Variants in WDR17 observed in about 807,000 individuals in gnomAD.
The protein encoded by WDR17 is WD repeat-containing protein 17.
In WDR17, 143 loss-of-function variants were observed where a neutral mutation model predicts 161.7. The ratio of observed to expected loss-of-function variants is 0.88; its 90% confidence interval spans 0.77 to 1.02. The LOEUF (loss-of-function observed/expected upper bound fraction) is 1.02. Ranked by LOEUF, WDR17 falls within the 50% of genes least tolerant of loss-of-function variation. The pLI, the probability that WDR17 is intolerant of heterozygous loss-of-function variation, is 0.00. For synonymous variants in WDR17, 517 were observed against 515.6 expected (o/e 1.00, Z -0.04); for missense variants, 1,469 against 1,520.9 (o/e 0.97, Z 0.57).
At chr4:176,133,475 A>T (rs1005726615) in intron 7 of WDR17, among the ~76,000 whole-genome samples, 1 of 150,186 alleles carries the variant, frequency 6.7e-6, no homozygotes, top group Non-Finnish European at 1.5e-5. Flanking sequence ...GTATTAAAGT[A>T]TGTTTTACTT....
At chr4:176,104,671 A>G (rs1302621783) in intron 1 of WDR17, among the ~76,000 whole-genome samples, 3 of 152,070 alleles carry the variant, frequency 2.0e-5, no homozygotes, top group Non-Finnish European at 4.4e-5. Context: ...GTTAAATTAG[A>G]GTCTTGTAAC....
At chr4:176,072,150 T>C (rs1236220698) in intron 1 of WDR17, among the ~76,000 whole-genome samples, 1 of 152,220 alleles carries the variant, frequency 6.6e-6, no homozygotes, top group Non-Finnish European at 1.5e-5. Context: ...TTGGGAATGC[T>C]TAGATAACAC....
intron 1 of WDR17, among the ~76,000 whole-genome samples, chr4:176,069,159 A>G (rs1732903091): frequency 6.6e-6 from 1 of 152,096 alleles, no homozygotes; most frequent in Non-Finnish European, 1.5e-5. Context: ...CAAATAGGCT[A>G]GATTTTGTAA....
At chr4:176,088,329 T>C (rs977605904) in intron 1 of WDR17, among the ~76,000 whole-genome samples, 6 of 152,106 alleles carry the variant, frequency 3.9e-5, no homozygotes, top group Non-Finnish European at 7.4e-5. Context: ...TGAATGCTTG[T>C]AATCCCAGCT....
At chr4:176,093,300 T>C (rs1736377392) in intron 1 of WDR17, among the ~76,000 whole-genome samples, 1 of 152,098 alleles carries the variant, frequency 6.6e-6, no homozygotes, top group African/African-American at 2.4e-5. Flanking sequence ...CCCATCAAAA[T>C]ACCAATGACA....
intron 1 of WDR17, among the ~76,000 whole-genome samples, chr4:176,086,123 T>G (rs1278390526): frequency 6.6e-6 from 1 of 152,022 alleles, no homozygotes; most frequent in Non-Finnish European, 1.5e-5. Flanking sequence ...TATTTATTGA[T>G]TTCAGACTTA....
chr4:176,175,862 T>G (rs1194531811), intron 26 of WDR17, among the ~76,000 whole-genome samples: 1 of 151,300 alleles, frequency 6.6e-6, no homozygotes, highest in East Asian at 1.9e-4. Context: ...CCCGGCCGGT[T>G]AAGCAGTTTT....
At chr4:176,155,946 A>G (rs1748058747) in intron 17 of WDR17, 133 bp from the exon 18 acceptor site, 1 of 754,274 alleles carries the variant, frequency 1.3e-6, no homozygotes, top group Non-Finnish European at 2.1e-6. Context: ...GTCAGAAAGT[A>G]CCAAATCAGG....
At chr4:176,109,034 C>T (rs762243561) in intron 1 of WDR17, among the ~76,000 whole-genome samples, 4 of 152,178 alleles carry the variant, frequency 2.6e-5, no homozygotes, top group Non-Finnish European at 5.9e-5. Context: ...AAGCGATCCA[C>T]CCATCTTGGC....
chr4:176,097,648 GT>G (rs1737091872), intron 1 of WDR17, among the ~76,000 whole-genome samples: 1 of 151,410 alleles, frequency 6.6e-6, no homozygotes, highest in African/African-American at 2.4e-5. Flanking sequence ...TCCATCCTGA[GT>G]TTCAATTTCA....
chr4:176,168,868 G>A (rs995369329), intron 23 of WDR17, 85 bp downstream of exon 23: 3 of 1,463,144 alleles, frequency 2.1e-6, no homozygotes, highest in Non-Finnish European at 2.8e-6. Context: ...AGAGATGCAT[G>A]CAGAGAAACA....
At chr4:176,170,983 C>T (rs1387398051) in intron 23 of WDR17, among the ~76,000 whole-genome samples, 1 of 152,182 alleles carries the variant, frequency 6.6e-6, no homozygotes, top group Non-Finnish European at 1.5e-5. Flanking sequence ...AGAACACTTA[C>T]ATTAGGCTAC....
At chr4:176,119,751 A>G in intron 3 of WDR17, 116 bp from the exon 4 acceptor site, 3 of 908,906 alleles carry the variant, frequency 3.3e-6, no homozygotes, top group African/African-American at 1.7e-5. Context: ...CAAATAAGAA[A>G]GTAATGTATC....
chr4:176,132,962 G>A (rs184028824), intron 7 of WDR17, among the ~76,000 whole-genome samples: 70 of 151,604 alleles, frequency 4.6e-4, no homozygotes, highest in Non-Finnish European at 8.3e-4. Flanking sequence ...CTTTACATCA[G>A]CACTGGGTTG....
At chr4:176,179,163 C>A (rs1751878807) in intron 28 of WDR17, among the ~76,000 whole-genome samples, 2 of 152,016 alleles carry the variant, frequency 1.3e-5, no homozygotes, top group African/African-American at 2.4e-5. Flanking sequence ...TGGCAGTTAC[C>A]AGATTAACAA....
rs151177177 is a variant in WDR17, at chr4:176,070,902, G to A, written c.-7+4823G>A. Among the ~76,000 whole-genome samples, 680 of 152,172 alleles carry A rather than the reference G, an allele frequency of 4.5e-3. 8 individuals are homozygous for A. The highest frequency in any genetic ancestry group is 0.016 in the African/African-American group (658 of 41,514). ...TTTGCTGGTTTTCCCAAACTGACTT[G>A]CCAAAATAATTTTTAACACCTTTTC... On this transcript the variant is annotated intron_variant, in intron 1 of 28. Transcript: ENST00000508596.
chr4:176,160,158 A>G (rs748765273), intron 19 of WDR17, 32 bp downstream of exon 19: 1 of 1,610,204 alleles, frequency 6.2e-7, no homozygotes, highest in Non-Finnish European at 8.5e-7. Context: ...AGTCACATAC[A>G]TGAATGCTTG....
In WDR17 at chr4:176,119,995, C is replaced by T. The variant is rs202125973; in HGVS notation, c.436C>T (p.His146Tyr). 3 of 1,613,882 alleles carry T rather than the reference C, an allele frequency of 1.9e-6. No individual in the cohort carries two copies. The East Asian group carries it at 6.7e-5, about 36-fold the overall frequency. Residue 146 changes from histidine to tyrosine, a missense_variant, in exon 4 of 29, where the codon CAT becomes TAT. Coordinates refer to ENST00000508596, the MANE Select transcript of WDR17 (RefSeq NM_181265.4). ...DSGVIVHKDA[H>Y]SFLSDICMFR... ...TGGAGTGATTGTACACAAAGATGCT[C>T]ATAGCTTCTTGTCTGATATCTGTAT...
chr4:176,176,175 T>C (rs1204987000), intron 26 of WDR17, among the ~76,000 whole-genome samples: 1 of 152,082 alleles, frequency 6.6e-6, no homozygotes. Context: ...GAAAAATTCT[T>C]AATTAAGCAT....
Sources: allele counts gnomAD v4.1 joint callset (sites outside exome capture counted in the v4.1 genomes callset), GRCh38; gene constraint gnomAD v4.1.1; transcripts MANE v1.5; gene names NCBI Gene and HGNC (gene_info 2026-07-23, HGNC 2026-07-21).